Variants in SEMA3C observed in about 807,000 individuals in gnomAD.
SEMA3C encodes the protein semaphorin-3C.
In SEMA3C, 47 loss-of-function variants were observed where a neutral mutation model predicts 89.4. The observed-to-expected ratio is 0.53, with a 90% CI of 0.42 to 0.67. The LOEUF (loss-of-function observed/expected upper bound fraction) is 0.67, where lower values mean the gene tolerates loss of function less well. Among genes scored for constraint, SEMA3C ranks in the 30% least tolerant of loss-of-function variants. The pLI is 0.00. For synonymous variants in SEMA3C, 310 were observed against 320.2 expected, an observed-to-expected ratio of 0.97 and a Z score of 0.34; for missense variants, 839 against 929.1, an observed-to-expected ratio of 0.90 and a Z score of 1.26.
At chr7:80,905,933 G>C in intron 2 of SEMA3C, 1 of 1,264,838 alleles carries the variant, frequency 7.9e-7, no homozygotes, top group Non-Finnish European at 1.0e-6. Flanking sequence ...AAGAGTCATG[G>C]AATTGAATGT....
intron 2 of SEMA3C, among the ~76,000 whole-genome samples, chr7:80,911,642 C>G (rs1352415375): frequency 6.8e-6 from 1 of 146,448 alleles, no homozygotes; most frequent in East Asian, 2.0e-4. Context: ...GAAAGAGAGT[C>G]TCACTCTCTT....
At chr7:80,845,624 T>A (rs1471052171) in intron 2 of SEMA3C, among the ~76,000 whole-genome samples, 1 of 152,156 alleles carries the variant, frequency 6.6e-6, no homozygotes, top group Admixed American at 6.6e-5. Flanking sequence ...ATTTCTATTA[T>A]CACTCAATTC....
intron 2 of SEMA3C, among the ~76,000 whole-genome samples, chr7:80,894,058 T>C (rs1423127315): frequency 3.3e-5 from 5 of 152,170 alleles, no homozygotes; most frequent in African/African-American, 7.2e-5. Context: ...GGATAAACAA[T>C]CTACTTTGCC....
At chr7:80,867,581 A>C (rs1213515426) in intron 2 of SEMA3C, among the ~76,000 whole-genome samples, 3 of 152,126 alleles carry the variant, frequency 2.0e-5, no homozygotes, top group Non-Finnish European at 4.4e-5. Flanking sequence ...ATGCTCAGTG[A>C]AATTTTGGAA....
At chr7:80,905,427 C>A (rs1333013786) in intron 2 of SEMA3C, among the ~76,000 whole-genome samples, 1 of 151,724 alleles carries the variant, frequency 6.6e-6, no homozygotes, top group African/African-American at 2.4e-5. Flanking sequence ...TTTAATTTGA[C>A]GATTAGAAGT....
Position 80,885,190 on chromosome 7 carries a change from T to G in SEMA3C, c.103+31489A>C, listed in dbSNP as rs77542854. 9.6e-3 allele frequency among the ~76,000 whole-genome samples: 1,457 copies of G among 152,338 alleles called. 28 individuals carry two copies. The highest frequency in any genetic ancestry group is 0.032 in the African/African-American group (1,340 of 41,570). On this transcript the variant is annotated intron_variant, in intron 2 of 17. Coordinates refer to ENST00000265361, the MANE Select transcript of SEMA3C (RefSeq NM_006379.5). ...AATATATTGTTTCTGAAGCAGAGTATCACCTGATGTCTGAAATCTAATACC... is the reference window on the plus strand; with the variant it reads ...AATATATTGTTTCTGAAGCAGAGTAGCACCTGATGTCTGAAATCTAATACC...
intron 2 of SEMA3C, among the ~76,000 whole-genome samples, chr7:80,894,365 A>G (rs1426509129): frequency 6.6e-6 from 1 of 151,058 alleles, no homozygotes; most frequent in South Asian, 2.1e-4. Context: ...TGTGTTACAC[A>G]ATGGTTTCAC....
At chr7:80,786,006 T>C (rs1788793442) in intron 12 of SEMA3C, among the ~76,000 whole-genome samples, 1 of 152,146 alleles carries the variant, frequency 6.6e-6, no homozygotes, top group Non-Finnish European at 1.5e-5. Context: ...GACAATAAGG[T>C]CCAGTGGCTA....
intron 12 of SEMA3C, among the ~76,000 whole-genome samples, chr7:80,784,976 G>C (rs555234238): frequency 6.6e-6 from 1 of 152,152 alleles, no homozygotes; most frequent in South Asian, 2.1e-4. Context: ...AGAAATAAAA[G>C]GTCAGAGGAC....
intron 2 of SEMA3C, among the ~76,000 whole-genome samples, chr7:80,832,734 A>T (rs117914362): frequency 1.4e-4 from 21 of 152,330 alleles, no homozygotes; most frequent in Non-Finnish European, 2.8e-4. Context: ...GCAGAAATGT[A>T]GAAAAAAATC....
At chr7:80,801,448 G>T (rs1789205650) in intron 9 of SEMA3C, among the ~76,000 whole-genome samples, 1 of 151,958 alleles carries the variant, frequency 6.6e-6, no homozygotes, top group Non-Finnish European at 1.5e-5. Context: ...AAAAACAAAA[G>T]TATGCACAGT....
In SEMA3C at chr7:80,860,508, T is replaced by C. The variant is rs1790746528; in HGVS notation, c.104-31763A>G. Among the ~76,000 whole-genome samples the C allele has an allele frequency of 2.0e-5, 3 of 152,266 alleles. 1 individual carries two copies. The South Asian group carries it at 6.2e-4, about 32-fold the overall frequency. ...TGTGGTAGAGAAAACTGACTTAACA[T>C]AGTAAAAACTATAGCCTGAGCTCTG... On this transcript the variant is annotated intron_variant, in intron 2 of 17. Transcript: ENST00000265361.
At chr7:80,798,027 A>T (rs1789108435) in intron 11 of SEMA3C, 65 bp downstream of exon 11, 1 of 1,491,062 alleles carries the variant, frequency 6.7e-7, no homozygotes, top group Admixed American at 2.4e-5. Flanking sequence ...CCCCACAGAT[A>T]TTCATTACCT....
At chr7:80,866,773 T>C (rs1413999725) in intron 2 of SEMA3C, among the ~76,000 whole-genome samples, 1 of 152,196 alleles carries the variant, frequency 6.6e-6, no homozygotes, top group Non-Finnish European at 1.5e-5. Context: ...ATAGAACATT[T>C]CATTTGCATT....
At chr7:80,899,006 T>G (rs1271906005) in intron 2 of SEMA3C, among the ~76,000 whole-genome samples, 1 of 152,164 alleles carries the variant, frequency 6.6e-6, no homozygotes, top group Non-Finnish European at 1.5e-5. Flanking sequence ...GTTGAATCCC[T>G]TCACTAAATA....
At chr7:80,767,144 T>C (rs1019539452) in intron 12 of SEMA3C, among the ~76,000 whole-genome samples, 1 of 152,188 alleles carries the variant, frequency 6.6e-6, no homozygotes, top group Non-Finnish European at 1.5e-5. Context: ...GCTCTAAAAC[T>C]TGCGTTGGTC....
At chr7:80,832,833 C>T (rs1183649202) in intron 2 of SEMA3C, among the ~76,000 whole-genome samples, 2 of 152,048 alleles carry the variant, frequency 1.3e-5, no homozygotes, top group African/African-American at 2.4e-5. Flanking sequence ...AAAAGAAATC[C>T]TTGCAGTTTT....
intron 2 of SEMA3C, among the ~76,000 whole-genome samples, chr7:80,904,582 G>A (rs369975410): frequency 3.3e-5 from 5 of 152,104 alleles, no homozygotes; most frequent in Non-Finnish European, 7.3e-5. Context: ...TGAGTAAGGG[G>A]GCTAAACTTT....
At position 80,818,128 on chromosome 7, in the gene SEMA3C, G is replaced by GTGA. The variant is rs543633282; in HGVS notation, c.447+168_447+170dup. ...ATACTTTTTTAGCTGAAGGCAAAAG[G>GTGA]TGATACTTCAAGTAACTTGGCAGAC... On this transcript the variant is annotated intron_variant, in intron 5 of 17. Coordinates refer to ENST00000265361, the MANE Select transcript of SEMA3C (RefSeq NM_006379.5). 5.6e-3 allele frequency among the ~76,000 whole-genome samples: 854 copies of GTGA among 151,928 alleles called. 10 individuals carry two copies. The highest frequency in any genetic ancestry group is 7.6e-3 in the Non-Finnish European group (517 of 67,942).
Sources: gnomAD v4.1 joint callset for allele counts (sites outside exome capture counted in the v4.1 genomes callset) on GRCh38, gnomAD v4.1.1 for gene constraint, MANE v1.5 for transcripts, NCBI Gene and HGNC (gene_info 2026-07-23, HGNC 2026-07-21) for gene names.